DEPDC1B: variants seen among roughly 807,000 people sequenced by gnomAD.
DEPDC1B encodes DEP domain containing 1B.
A neutral mutation model predicts 66.5 loss-of-function variants in DEPDC1B; 51 were observed. The ratio of observed to expected loss-of-function variants is 0.77; its 90% CI spans 0.61 to 0.97. DEPDC1B has a LOEUF of 0.97. Among genes scored for constraint, DEPDC1B ranks in the 50% least tolerant of loss-of-function variants. The pLI, the probability that DEPDC1B is intolerant of heterozygous loss-of-function variation, is 0.00. For missense variants in DEPDC1B, 552 were observed against 637.1 expected (o/e 0.87, Z 1.44); for synonymous variants, 226 against 223.6 (o/e 1.01, Z -0.10).
At chr5:60,679,736 T>G (rs1402057785) in intron 2 of DEPDC1B, among the ~76,000 whole-genome samples, 1 of 152,208 alleles carries the variant, frequency 6.6e-6, no homozygotes, top group African/African-American at 2.4e-5. Context: ...GAGCCATGTA[T>G]AGGCTCCATG....
intron 7 of DEPDC1B, among the ~76,000 whole-genome samples, chr5:60,606,351 C>T (rs1229843271): frequency 1.3e-5 from 2 of 152,114 alleles, no homozygotes; most frequent in Non-Finnish European, 2.9e-5. Flanking sequence ...AAATGGCTCC[C>T]CTTCTTTCTA....
At chr5:60,597,988 A>G in intron 10 of DEPDC1B, 74 bp from the exon 11 acceptor site, 1 of 1,339,308 alleles carries the variant, frequency 7.5e-7, no homozygotes, top group Non-Finnish European at 1.0e-6. Flanking sequence ...GCCAAATTTT[A>G]AGAGTTTCTG....
At chr5:60,658,826 C>T (rs1753638297) in intron 2 of DEPDC1B, among the ~76,000 whole-genome samples, 2 of 152,182 alleles carry the variant, frequency 1.3e-5, no homozygotes, top group Admixed American at 1.3e-4. Flanking sequence ...ACTGCACACT[C>T]TTTTGGTCCA....
At chr5:60,657,993 T>C in intron 2 of DEPDC1B, among the ~76,000 whole-genome samples, 1 of 152,192 alleles carries the variant, frequency 6.6e-6, no homozygotes, top group East Asian at 1.9e-4. Context: ...CTTTTTTAAT[T>C]CTTTTTTTCT....
intron 2 of DEPDC1B, among the ~76,000 whole-genome samples, chr5:60,659,237 G>A (rs950137847): frequency 2.0e-5 from 3 of 151,986 alleles, no homozygotes; most frequent in Non-Finnish European, 2.9e-5. Context: ...GCGGCCCGTC[G>A]CATCTTGGGA....
chr5:60,631,478 G>A (rs1406193757), intron 7 of DEPDC1B, among the ~76,000 whole-genome samples: 1 of 152,152 alleles, frequency 6.6e-6, no homozygotes, highest in East Asian at 1.9e-4. Flanking sequence ...GTGATGGGGA[G>A]GACTCTCCAG....
At chr5:60,606,302 T>G (rs753754485) in intron 7 of DEPDC1B, among the ~76,000 whole-genome samples, 9 of 152,184 alleles carry the variant, frequency 5.9e-5, no homozygotes, top group African/African-American at 7.2e-5. Context: ...TCTCAGTGAC[T>G]AAATAAAGGA....
intron 2 of DEPDC1B, among the ~76,000 whole-genome samples, chr5:60,677,324 A>ACTCTCTCTCTCTCTCTCT (rs753946184): frequency 2.5e-5 from 2 of 78,792 alleles, no homozygotes; most frequent in African/African-American, 6.7e-5. Flanking sequence ...ACACACACAC[A>ACTCTCTCTCTCTCTCTCT]CACTCTCTCT....
At chr5:60,632,124 T>A (rs1752938868) in intron 7 of DEPDC1B, among the ~76,000 whole-genome samples, 2 of 152,262 alleles carry the variant, frequency 1.3e-5, no homozygotes, top group African/African-American at 4.8e-5. Flanking sequence ...ATTAATTCAC[T>A]ATGAGACTGC....
At chr5:60,625,579 A>G (rs1752792891) in intron 7 of DEPDC1B, among the ~76,000 whole-genome samples, 2 of 152,198 alleles carry the variant, frequency 1.3e-5, no homozygotes, top group South Asian at 2.1e-4. Context: ...TAGCTCCACC[A>G]TTGGTTGATA....
At chr5:60,672,498 T>A (rs1454602688) in intron 2 of DEPDC1B, among the ~76,000 whole-genome samples, 2 of 152,020 alleles carry the variant, frequency 1.3e-5, no homozygotes. Context: ...AACCATCAGA[T>A]CTCGTGATAA....
chr5:60,698,082 C>A lies in DEPDC1B; in HGVS notation c.48+1964G>T, dbSNP rs185214631. 3.3e-5 allele frequency among the ~76,000 whole-genome samples: 5 copies of A among 152,254 alleles called. No individual in the cohort carries two copies. In the East Asian group the frequency reaches 7.7e-4, roughly 24 times the overall value. ...TGAAGACTAGTCACGTCAAGAACCA[C>A]AGCCTTGCTATGTTTTCCTTGTGTA... On this transcript the variant is annotated intron_variant, in intron 1 of 10. Transcript: ENST00000265036.
intron 1 of DEPDC1B, among the ~76,000 whole-genome samples, chr5:60,694,119 A>C (rs1195531955): frequency 6.6e-6 from 1 of 152,164 alleles, no homozygotes; most frequent in Non-Finnish European, 1.5e-5. Context: ...AAGTATACAC[A>C]AAAGAGTTTG....
intron 2 of DEPDC1B, among the ~76,000 whole-genome samples, chr5:60,665,822 C>T (rs1043004339): frequency 6.6e-6 from 1 of 152,106 alleles, no homozygotes; most frequent in Non-Finnish European, 1.5e-5. Context: ...CAACTAATCA[C>T]GTAGTAAAGA....
Position 60,668,183 on chromosome 5 carries a change from T to TA in DEPDC1B, c.314+18778_314+18779insT, listed in dbSNP as rs1753938838. ...ATTATATATATATAAAATGGATATT[T>TA]TATATATATATAAAATGGATATTTT... On this transcript the variant is annotated intron_variant, in intron 2 of 10. Transcript: ENST00000265036. Among the ~76,000 whole-genome samples, 2 of 4,192 alleles carry TA rather than the reference T, an allele frequency of 4.8e-4. 1 individual carries two copies. 2.8% of individuals were successfully genotyped at this position (4,192 alleles called of 152,430 possible).
At chr5:60,600,823 G>T (rs749576076) in intron 9 of DEPDC1B, among the ~76,000 whole-genome samples, 2 of 152,212 alleles carry the variant, frequency 1.3e-5, no homozygotes, top group Non-Finnish European at 2.9e-5. Context: ...CACAAACCTA[G>T]CAAGTATACA....
At chr5:60,660,177 G>A (rs1011558553) in intron 2 of DEPDC1B, among the ~76,000 whole-genome samples, 6 of 151,614 alleles carry the variant, frequency 4.0e-5, no homozygotes, top group African/African-American at 1.5e-4. Context: ...AAGAGAGAGA[G>A]ACAGAGAGGA....
At position 60,677,324 on chromosome 5, in the gene DEPDC1B, A is replaced by ACTCTCTCT. The variant is rs753946184; in HGVS notation, c.314+9637_314+9638insAGAGAGAG. Among the ~76,000 whole-genome samples the ACTCTCTCT allele has an allele frequency of 9.1e-3, 718 of 78,568 alleles. 5 individuals are homozygous for ACTCTCTCT. The highest frequency in any genetic ancestry group is 0.034 in the African/African-American group (503 of 14,872). 51.5% of individuals were successfully genotyped at this position (78,568 alleles called of 152,430 possible). On this transcript the variant is annotated intron_variant, in intron 2 of 10. Coordinates refer to ENST00000265036, the MANE Select transcript of DEPDC1B (RefSeq NM_018369.3). ...CACACACACACACACACACACACACACACTCTCTCTCTCTCTCTCTCTCTC... is the reference window on the plus strand; with the variant it reads ...CACACACACACACACACACACACACACTCTCTCTCACTCTCTCTCTCTCTCTCTCTCTC...
At chr5:60,667,455 A>ATATATACAAAAAATGGATATTTTACG (rs1753871001) in intron 2 of DEPDC1B, among the ~76,000 whole-genome samples, 2 of 146,322 alleles carry the variant, frequency 1.4e-5, no homozygotes, top group African/African-American at 2.5e-5. Context: ...GATATTTTAC[A>ATATATACAAAAAATGGATATTTTACG]TATATACAAA....
Sources: allele counts gnomAD v4.1 joint callset (sites outside exome capture counted in the v4.1 genomes callset), GRCh38; gene constraint gnomAD v4.1.1; transcripts MANE v1.5; gene names NCBI Gene and HGNC (gene_info 2026-07-23, HGNC 2026-07-21).